Variants in TCF3 observed in about 807,000 individuals in gnomAD.
The protein encoded by TCF3 is transcription factor 3, also known as transcription factor E2-alpha.
Under a neutral mutation model 72.3 loss-of-function variants are expected in TCF3, and 54 were observed. That is an observed-to-expected ratio of 0.75 (90% confidence interval 0.60 to 0.94). The LOEUF is 0.94. Among genes scored for constraint, TCF3 ranks in the 40% least tolerant of loss-of-function variants. The probability of loss-of-function intolerance (pLI) is 0.00; values close to 1 mark genes in which losing one functional copy is unlikely to be tolerated. For missense variants in TCF3, 1,078 were observed against 934.4 expected (o/e 1.15, Z -2.00); for synonymous variants, 525 against 412.6 (o/e 1.27, Z -3.30).
intron 7 of TCF3, among the ~76,000 whole-genome samples, chr19:1,625,173 G>C (rs939180996): frequency 6.6e-6 from 1 of 152,258 alleles, no homozygotes; most frequent in Non-Finnish European, 1.5e-5. Flanking sequence ...TGGGCCCCGG[G>C]TAGTTCAAGG....
intron 3 of TCF3, among the ~76,000 whole-genome samples, chr19:1,640,923 T>C (rs2065145768): frequency 6.6e-6 from 1 of 150,694 alleles, no homozygotes; most frequent in East Asian, 2.0e-4. Flanking sequence ...CCGAGGTGGG[T>C]GGATCACTGG....
intron 18 of TCF3, chr19:1,612,272 T>C (rs775997520): frequency 1.9e-6 from 3 of 1,612,944 alleles, no homozygotes; most frequent in Non-Finnish European, 2.5e-6. Flanking sequence ...CAGCTTGGTC[T>C]GCGCTTTGTC....
chr19:1,615,636 G>A lies in TCF3; in HGVS notation c.1586+50C>T, dbSNP rs1381757079. 4 of 1,611,990 alleles carry A rather than the reference G, an allele frequency of 2.5e-6. No individual in the cohort carries two copies. The highest frequency in any genetic ancestry group is 1.7e-6 in the Non-Finnish European group (2 of 1,179,772). ...CGGTGTGCGTGTGGCCTGTGCACAT[G>A]TGCGTCCTGATGGGGTGAGGGTGGG... On this transcript the variant is annotated intron_variant, in intron 17 of 18. Coordinates refer to ENST00000262965, the MANE Select transcript of TCF3 (RefSeq NM_003200.5). The surrounding 1 kb of genome is among the most constrained non-coding windows in gnomAD (Gnocchi z 7.3).
At chr19:1,622,925 C>G (rs1259184115) in intron 8 of TCF3, among the ~76,000 whole-genome samples, 1 of 152,152 alleles carries the variant, frequency 6.6e-6, no homozygotes, top group Non-Finnish European at 1.5e-5. Flanking sequence ...GGGGCTGGGG[C>G]CTGTTGGTAA....
chr19:1,615,665 T>G lies in TCF3; in HGVS notation c.1586+21A>C, dbSNP rs28655701. 4,642 of 1,466,750 alleles carry G rather than the reference T, an allele frequency of 3.2e-3. 125 individuals are homozygous for G. The African/African-American group carries it at 0.058, about 18-fold the overall frequency. 90.9% of individuals were successfully genotyped at this position (1,466,750 alleles called of 1,614,324 possible). On this transcript the variant is annotated intron_variant, in intron 17 of 18. Transcript: ENST00000262965. The surrounding 1 kb of genome is among the most constrained non-coding windows in gnomAD (Gnocchi z 7.3). ...GTCCTGATGGGGTGAGGGTGGGGAG[T>G]GCCGAGGGGTGGGTTGGCACCTGGT...
At chr19:1,630,664 C>T (rs942102945) in intron 5 of TCF3, among the ~76,000 whole-genome samples, 1 of 152,192 alleles carries the variant, frequency 6.6e-6, no homozygotes, top group Non-Finnish European at 1.5e-5. Context: ...CTCAAACCGT[C>T]GGGTTCCAGA....
intron 3 of TCF3, among the ~76,000 whole-genome samples, chr19:1,643,511 G>C (rs2065635909): frequency 6.6e-6 from 1 of 151,362 alleles, no homozygotes; most frequent in South Asian, 2.1e-4. Context: ...ATGAACCACT[G>C]TGTCTGGCCC....
intron 18 of TCF3, chr19:1,612,491 G>A (rs1054247016): frequency 1.4e-6 from 2 of 1,472,068 alleles, no homozygotes; most frequent in Non-Finnish European, 9.4e-7. Context: ...TGGGAGGGCA[G>A]GGCTGGGTTG....
intron 6 of TCF3, among the ~76,000 whole-genome samples, chr19:1,626,222 G>C (rs770073055): frequency 1.3e-5 from 2 of 152,092 alleles, no homozygotes; most frequent in Non-Finnish European, 2.9e-5. Flanking sequence ...AGGCTGAGGC[G>C]GGCGGATCAC....
At chr19:1,621,274 T>C (rs2062171480) in intron 11 of TCF3, 83 bp from the exon 12 acceptor site, 2 of 1,451,040 alleles carry the variant, frequency 1.4e-6, no homozygotes, top group Non-Finnish European at 1.9e-6. Context: ...TCTGCCGTCC[T>C]GCACAGACAC....
intron 1 of TCF3, chr19:1,651,484 G>C (rs969775433): frequency 4.5e-6 from 1 of 224,284 alleles, no homozygotes; most frequent in African/African-American, 2.2e-5. Flanking sequence ...ACTTTTTTGT[G>C]GGGTAGCTGA....
rs192822538 is a variant in TCF3, at chr19:1,621,631, C to A, written c.955+207G>T. Among the ~76,000 whole-genome samples, 283 of 152,314 alleles carry A rather than the reference C, an allele frequency of 1.9e-3. 1 individual carries two copies. The highest frequency in any genetic ancestry group is 6.6e-3 in the African/African-American group (275 of 41,572). ...TCCCAGCTGTAAGGCGGGAAAGCCG[C>A]TCCTCAAAGATCTGTTTCCAGACAT... is the stretch of plus-strand genomic sequence containing the variant. On this transcript the variant is annotated intron_variant, in intron 11 of 18. Transcript: ENST00000262965.
intron 5 of TCF3, 198 bp downstream of exon 5, chr19:1,631,840 G>C: frequency 7.1e-7 from 1 of 1,401,770 alleles, no homozygotes; most frequent in Non-Finnish European, 9.6e-7. Flanking sequence ...TAGTTGCAGA[G>C]TGCCGTGCCA....
Position 1,622,319 on chromosome 19 carries a change from C to A in TCF3, c.646G>T (p.Val216Leu), listed in dbSNP as rs774052015. 1 of 1,530,012 alleles carries A rather than the reference C, an allele frequency of 6.5e-7. No homozygotes were observed. Among genetic ancestry groups the A allele is most frequent in the Admixed American group, 2.0e-5 (1 of 49,826 alleles). 94.8% of individuals were successfully genotyped at this position (1,530,012 alleles called of 1,614,324 possible). The change falls in exon 9 of 19, where the codon GTG (valine) becomes TTG (leucine). Residue 216 changes from valine (V) to leucine (L), a missense_variant. Coordinates refer to ENST00000262965, the MANE Select transcript of TCF3 (RefSeq NM_003200.5). ...PSSTYPAPFY[V>L]ADGSLHPSAE... ...CCCCCGCCCTGCCATGTACCTGCCA[C>A]GTAGAAGGGGGCGGGATAGGTGCTG...
Position 1,622,152 on chromosome 19 carries a change from C to G in TCF3, c.724G>C (p.Gly242Arg), listed in dbSNP as rs1384848948. 6.3e-7 allele frequency: 1 copy of G among 1,581,400 alleles called. No individual in the cohort carries two copies. Among genetic ancestry groups the G allele is most frequent in the East Asian group, 2.3e-5 (1 of 43,318 alleles). The stretch of plus-strand genomic sequence containing the variant: ...GGGAGGGGCAGCGGGGATGAGCCCC[C>G]ACCCAGCATGGGCCCGAAGCCCGCC... Reference protein sequence around the residue: ...GQAGFGPMLGGGSSPLPLPPG... With the variant: ...GQAGFGPMLGRGSSPLPLPPG... The change falls in exon 10 of 19, where the codon GGG (glycine) becomes CGG (arginine). Residue 242 changes from glycine to arginine, a missense_variant. Coordinates refer to ENST00000262965, the MANE Select transcript of TCF3 (RefSeq NM_003200.5).
chr19:1,634,641 C>T (rs1025330082), intron 3 of TCF3, among the ~76,000 whole-genome samples: 5 of 152,228 alleles, frequency 3.3e-5, no homozygotes, highest in African/African-American at 9.6e-5. Context: ...GTTGGGTCCC[C>T]TCCTGAGAGG....
rs576144154 is a variant in TCF3, at chr19:1,631,755, G to C, written c.298+283C>G. Reference sequence around the variant, plus strand: ...CTGACCCCTCCCCGGGAAGCAGGAGGAGCCCTGCAGAAATCCCAGGGAGGA... The same window carrying C: ...CTGACCCCTCCCCGGGAAGCAGGAGCAGCCCTGCAGAAATCCCAGGGAGGA... On this transcript the variant is annotated intron_variant, in intron 5 of 18. Transcript: ENST00000262965. Among the ~76,000 whole-genome samples the C allele has an allele frequency of 2.0e-5, 3 of 152,330 alleles. No homozygotes were observed. The South Asian group carries it at 6.2e-4, about 32-fold the overall frequency.
intron 3 of TCF3, among the ~76,000 whole-genome samples, chr19:1,637,636 A>G (rs1246123331): frequency 2.0e-5 from 3 of 152,148 alleles, no homozygotes; most frequent in Non-Finnish European, 4.4e-5. Flanking sequence ...GGGGCCGGGC[A>G]CGGTGGCTCA....
chr19:1,614,428 G>A lies in TCF3; in HGVS notation c.1822+857C>T, dbSNP rs2061344137. ...TCGGGCAGCAAGTGCGAGGTGAGGA[G>A]GGGCTGCCACGGGAAGCAGAGGGAC... is the stretch of plus-strand genomic sequence containing the variant. On this transcript the variant is annotated intron_variant, in intron 18 of 18. Coordinates refer to ENST00000262965, the MANE Select transcript of TCF3 (RefSeq NM_003200.5). This position sits in a 1 kb window ranked among gnomAD's most constrained non-coding sequence, Gnocchi z 5.6. Among the ~76,000 whole-genome samples, 1 of 152,232 alleles carries A rather than the reference G, an allele frequency of 6.6e-6. No individual in the cohort carries two copies. The highest frequency in any genetic ancestry group is 1.5e-5 in the Non-Finnish European group (1 of 68,044).
Sources: allele counts gnomAD v4.1 joint callset (sites outside exome capture counted in the v4.1 genomes callset), GRCh38; gene constraint gnomAD v4.1.1; non-coding constraint Gnocchi (gnomAD v3.1); transcripts MANE v1.5; gene names NCBI Gene and HGNC (gene_info 2026-07-23, HGNC 2026-07-21).